The following C16orf92 variants were observed in gnomAD, a reference collection of about 807,000 sequenced individuals.
The protein encoded by C16orf92 is fertilization-influencing membrane protein.
A neutral mutation model predicts 13.7 loss-of-function variants in C16orf92; 14 were observed. The observed-to-expected ratio is 1.02, with a 90% confidence interval of 0.67 to 1.60. C16orf92 has a LOEUF of 1.60. Ranked by LOEUF, C16orf92 falls within the 40% of genes most tolerant of loss-of-function variation. C16orf92 has a pLI of 0.00. For missense variants in C16orf92, 116 were observed against 139.0 expected (o/e 0.83, Z 0.83); for synonymous variants, 50 against 57.4 (o/e 0.87, Z 0.58).
At chr16:30,027,049 G>A (rs1288077534), downstream of C16orf92, 3 of 676,992 alleles carry the variant, frequency 4.4e-6, no homozygotes, top group South Asian at 4.5e-5. Context: ...ATTCAAACCT[G>A]TGGTCTCAGA....
At position 30,024,378 on chromosome 16, in the gene C16orf92, C is replaced by T; in HGVS notation, c.*151C>T. ...CTCTGTTTCCCATGGCCCAAGCCCC[C>T]CACCTCCTCCCTTCCCAGCCCCAAA... is the stretch of plus-strand genomic sequence containing the variant. On this transcript the variant is annotated 3_prime_UTR_variant, in exon 4 of 4. Coordinates refer to ENST00000681219, the MANE Select transcript of C16orf92 (RefSeq NM_001109659.2). 3 of 1,058,860 alleles carry T rather than the reference C, an allele frequency of 2.8e-6. No individual in the cohort carries two copies. Among genetic ancestry groups the T allele is most frequent in the Non-Finnish European group, 2.7e-6 (2 of 745,204 alleles). 65.6% of individuals were successfully genotyped at this position (1,058,860 alleles called of 1,614,324 possible). A position where few individuals can be genotyped will look rare whatever the true frequency, so the allele number is the denominator to read the frequency against.
At chr16:30,026,884 G>A (rs1423266407), downstream of C16orf92, 2 of 1,546,140 alleles carry the variant, frequency 1.3e-6, no homozygotes, top group Middle Eastern at 1.7e-4. Flanking sequence ...AAGGAGGAAA[G>A]GGGACACCAG....
At chr16:30,026,364 G>A (rs184439978), downstream of C16orf92, among the ~76,000 whole-genome samples, 8 of 152,262 alleles carry the variant, frequency 5.3e-5, no homozygotes, top group East Asian at 1.9e-4. Context: ...GCTCAGAGAC[G>A]TGCAACCACA....
Position 30,023,216 on chromosome 16 carries a change from T to G in C16orf92, c.-125T>G. 3.7e-6 allele frequency: 3 copies of G among 805,026 alleles called. No individual in the cohort carries two copies. In the South Asian group the frequency reaches 4.7e-5, roughly 12 times the overall value. 49.9% of individuals were successfully genotyped at this position (805,026 alleles called of 1,614,324 possible). A position where few individuals can be genotyped will look rare whatever the true frequency, so the allele number is the denominator to read the frequency against. On this transcript the variant is annotated 5_prime_UTR_variant, in exon 1 of 4. Transcript: ENST00000681219. The stretch of plus-strand genomic sequence containing the variant: ...TCCCAACCTCTCTTCTCCTCTCCTC[T>G]TCTGATGAGAGTGAGGGATGGGGGA...
downstream of C16orf92, chr16:30,025,793 A>G: frequency 6.2e-7 from 1 of 1,614,050 alleles, no homozygotes; most frequent in Non-Finnish European, 8.5e-7. The surrounding 1 kb of genome is among the most constrained non-coding windows in gnomAD (Gnocchi z 4.1). Context: ...GCAACCCAGA[A>G]AGAAGTCTCC....
At position 30,024,283 on chromosome 16, in the gene C16orf92, T is replaced by G; in HGVS notation, c.*56T>G. 6.3e-7 allele frequency: 1 copy of G among 1,583,674 alleles called. No homozygotes were observed. The highest frequency in any genetic ancestry group is 1.1e-5 in the South Asian group (1 of 90,098). On this transcript the variant is annotated 3_prime_UTR_variant, in exon 4 of 4. Transcript: ENST00000681219. Reference sequence around the variant, plus strand: ...GAGCACCCACACCCACCTCCTCTCCTGTTGATGAGCAAAAGTTCCCTGCTT... The same window carrying G: ...GAGCACCCACACCCACCTCCTCTCCGGTTGATGAGCAAAAGTTCCCTGCTT...
chr16:30,024,014 T>C lies in C16orf92; in HGVS notation c.239T>C (p.Leu80Pro). The C allele has an allele frequency of 3.7e-6, 6 of 1,613,884 alleles. No individual in the cohort carries two copies. The highest frequency in any genetic ancestry group is 5.1e-6 in the Non-Finnish European group (6 of 1,179,742). The change falls in exon 3 of 4, where the codon CTC becomes CCC. Residue 80 changes from leucine to proline, a missense_variant. Physicochemically the swap from Leu to Pro is moderately conservative, Grantham distance 98. Transcript: ENST00000681219. The part of the protein sequence containing the change: ...VFINSGSSPG[L>P]FHHILVGLLV... ...TGTCTAGCAGGTTCCAGCCCCGGGC[T>C]CTTCCATCACATCCTGGTGGGCTTG...
Position 30,024,432 on chromosome 16 carries a change from T to C in C16orf92, c.*205T>C. 1 of 690,944 alleles carries C rather than the reference T, an allele frequency of 1.4e-6. No homozygotes were observed. Among genetic ancestry groups the C allele is most frequent in the Non-Finnish European group, 2.4e-6 (1 of 420,368 alleles). The allele number at this position is 690,944 out of a possible 1,614,324, so 42.8% of individuals were successfully genotyped here. On this transcript the variant is annotated 3_prime_UTR_variant, in exon 4 of 4. Transcript: ENST00000681219. ...CTTGGTGGCAAGGGCCTTGGTGGCG[T>C]TCACGCAGATCGTCTTTTATTAGCG...
chr16:30,023,546 A>AC (rs1481405857), intron 1 of C16orf92, 142 bp downstream of exon 1: 4 of 1,388,812 alleles, frequency 2.9e-6, no homozygotes, highest in Non-Finnish European at 3.0e-6. Flanking sequence ...GGTCCCACCT[A>AC]CCCCCCAACA....
downstream of C16orf92, chr16:30,027,522 G>A (rs2071201295): frequency 6.6e-6 from 3 of 452,652 alleles, no homozygotes; most frequent in South Asian, 1.6e-5. Flanking sequence ...AGACCCTGTT[G>A]GCAAGTGAGA....
downstream of C16orf92, chr16:30,026,942 G>T: frequency 9.6e-7 from 1 of 1,037,690 alleles, no homozygotes; most frequent in Non-Finnish European, 1.5e-6. Flanking sequence ...CTGGACAGGA[G>T]CGGAGTCTTG....
At chr16:30,026,866 G>C (rs763674711), downstream of C16orf92, 8 of 1,600,674 alleles carry the variant, frequency 5.0e-6, no homozygotes, top group South Asian at 8.9e-5. Flanking sequence ...GAGACGGGGT[G>C]GGGGAGCAAG....
At chr16:30,023,972 G>A (rs1278163427) in intron 2 of C16orf92, 27 bp from the exon 3 acceptor site, 2 of 1,599,086 alleles carry the variant, frequency 1.3e-6, no homozygotes, top group East Asian at 2.2e-5. Flanking sequence ...CATCAGAGGG[G>A]AGTTAAGGGT....
chr16:30,026,904 T>G (rs1056993328), downstream of C16orf92: 1 of 1,424,666 alleles, frequency 7.0e-7, no homozygotes, highest in South Asian at 1.2e-5. Context: ...GTGATTGGGG[T>G]CAGATCTCAG....
At position 30,024,400 on chromosome 16, in the gene C16orf92, C is replaced by T. The variant is rs1191119014; in HGVS notation, c.*173C>T. ...CCCCCACCTCCTCCCTTCCCAGCCC[C>T]AAAGAACTTGGTGGCAAGGGCCTTG... is the stretch of plus-strand genomic sequence containing the variant. On this transcript the variant is annotated 3_prime_UTR_variant, in exon 4 of 4. Coordinates refer to ENST00000681219, the MANE Select transcript of C16orf92 (RefSeq NM_001109659.2). 12 of 926,908 alleles carry T rather than the reference C, an allele frequency of 1.3e-5. No individual in the cohort carries two copies. The East Asian group carries it at 3.2e-4, about 25-fold the overall frequency. The allele number at this position is 926,908 out of a possible 1,614,324, so 57.4% of individuals were successfully genotyped here. A position where few individuals can be genotyped will look rare whatever the true frequency, so the allele number is the denominator to read the frequency against.
At chr16:30,027,505 CAG>C (rs1183400742), downstream of C16orf92, 2 of 448,324 alleles carry the variant, frequency 4.5e-6, no homozygotes, top group Non-Finnish European at 9.1e-6. Flanking sequence ...CGAGAGGCAT[CAG>C]AGACAGACCC....
At chr16:30,026,737 C>T (rs1336376395), downstream of C16orf92, 2 of 1,614,168 alleles carry the variant, frequency 1.2e-6, no homozygotes, top group Non-Finnish European at 1.7e-6. Flanking sequence ...TCGTCCCCTC[C>T]ATGCCCTTTG....
At chr16:30,025,207 G>A (rs373954480), downstream of C16orf92, 18 of 1,491,624 alleles carry the variant, frequency 1.2e-5, no homozygotes, top group East Asian at 3.2e-4. The surrounding 1 kb of genome is among the most constrained non-coding windows in gnomAD (Gnocchi z 4.1). Flanking sequence ...GGCAGGCCGG[G>A]GGCGGCCGGG....
At chr16:30,026,741 C>T, downstream of C16orf92, 1 of 1,614,128 alleles carries the variant, frequency 6.2e-7, no homozygotes, top group South Asian at 1.1e-5. Flanking sequence ...CCCCTCCATG[C>T]CCTTTGACCT....
Sources: allele counts gnomAD v4.1 joint callset (sites outside exome capture counted in the v4.1 genomes callset), GRCh38; gene constraint gnomAD v4.1.1; non-coding constraint Gnocchi (gnomAD v3.1); transcripts MANE v1.5; gene names NCBI Gene and HGNC (gene_info 2026-07-23, HGNC 2026-07-21).